Variants in USP9Y observed in about 807,000 individuals in gnomAD.
The protein encoded by USP9Y is ubiquitin specific peptidase 9 Y-linked, also known as ubiquitin carboxyl-terminal hydrolase 9Y.
In USP9Y, 41 loss-of-function variants were observed where a neutral mutation model predicts 53.1. The ratio of observed to expected loss-of-function variants is 0.77; its 90% CI spans 0.60 to 1.00. The LOEUF is 1.00. USP9Y is among the 50% of genes least tolerant of loss of function. USP9Y has a pLI of 0.00. For missense variants in USP9Y, 567 were observed against 535.8 expected, an observed-to-expected ratio of 1.06 and a Z score of -0.58; for synonymous variants, 220 against 173.7, an observed-to-expected ratio of 1.27 and a Z score of -2.09.
At chrY:12,764,499 A>G in intron 15 of USP9Y, among the ~76,000 whole-genome samples, 1 of 33,598 alleles carries the variant, frequency 3.0e-5, no homozygotes, top group Non-Finnish European at 7.4e-5. Flanking sequence ...AAGTTAAAAC[A>G]TAATTAATAA....
intron 15 of USP9Y, among the ~76,000 whole-genome samples, chrY:12,760,864 G>T (rs2053474804): frequency 3.0e-5 from 1 of 33,538 alleles, no homozygotes; most frequent in South Asian, 6.5e-4. Flanking sequence ...CTTCTTCTTG[G>T]TATCTTTTCT....
At chrY:12,720,550 T>A in intron 3 of USP9Y, 39 bp from the exon 4 acceptor site, 1 of 361,430 alleles carries the variant, frequency 2.8e-6, no homozygotes, top group Middle Eastern at 6.6e-4. Context: ...TTTTCCTTAA[T>A]CTGTGGTTTA....
chrY:12,821,834 A>G, intron 33 of USP9Y, among the ~76,000 whole-genome samples: 1 of 32,414 alleles, frequency 3.1e-5, no homozygotes, highest in Admixed American at 2.8e-4. Context: ...TTGTATTTTC[A>G]GTAGAGACAG....
chrY:12,819,131 A>T, intron 33 of USP9Y, among the ~76,000 whole-genome samples: 1 of 33,791 alleles, frequency 3.0e-5, no homozygotes, highest in Non-Finnish European at 7.4e-5. Flanking sequence ...GTGAGCCAAG[A>T]TTGTGCCATT....
intron 1 of USP9Y, among the ~76,000 whole-genome samples, chrY:12,707,066 A>G: frequency 3.0e-5 from 1 of 33,117 alleles, no homozygotes; most frequent in African/African-American, 1.2e-4. Flanking sequence ...CAGACTTCCT[A>G]TGTTAGAATC....
chrY:12,801,769 C>G (rs967423823), intron 27 of USP9Y, among the ~76,000 whole-genome samples: 4 of 33,658 alleles, frequency 1.2e-4, no homozygotes. Context: ...GGCAAAGAAG[C>G]TTTGTCGTTA....
intron 33 of USP9Y, among the ~76,000 whole-genome samples, chrY:12,821,344 A>G (rs1603202356): frequency 3.0e-5 from 1 of 33,857 alleles, no homozygotes; most frequent in East Asian, 7.7e-4. Context: ...TCCATTTTGT[A>G]ACATGTATCG....
chrY:12,852,594 C>T (rs2148293232), intron 42 of USP9Y, among the ~76,000 whole-genome samples: 1 of 33,016 alleles, frequency 3.0e-5, no homozygotes, highest in South Asian at 6.9e-4. Context: ...GGAGAAGAGG[C>T]GCTCTGATTT....
chrY:12,837,794 C>CTGAT (rs2053556310), intron 34 of USP9Y, 117 bp from the exon 35 acceptor site: 1 of 153,010 alleles, frequency 6.5e-6, no homozygotes, highest in African/African-American at 9.2e-5. Flanking sequence ...CTACAGTGAG[C>CTGAT]TGATTGTGCC....
chrY:12,738,337 C>A, intron 11 of USP9Y, 28 bp downstream of exon 11: 1 of 392,046 alleles, frequency 2.6e-6, no homozygotes, highest in Non-Finnish European at 3.6e-6. Context: ...TAGCTATTTT[C>A]TAAGAAAGAT....
chrY:12,769,755 G>A, intron 15 of USP9Y, among the ~76,000 whole-genome samples: 1 of 32,854 alleles, frequency 3.0e-5, no homozygotes, highest in East Asian at 8.1e-4. Context: ...TCATATTTTA[G>A]TTGAGTGTTA....
At chrY:12,767,855 A>AT (rs2053481688) in intron 15 of USP9Y, among the ~76,000 whole-genome samples, 10 of 29,845 alleles carry the variant, frequency 3.4e-4, no homozygotes, top group Non-Finnish European at 5.7e-4. Flanking sequence ...ACTGCAAGAG[A>AT]TTTTTTTTTT....
At chrY:12,735,202 C>CTTA (rs2053450463) in intron 7 of USP9Y, among the ~76,000 whole-genome samples, 1 of 32,354 alleles carries the variant, frequency 3.1e-5, no homozygotes, top group African/African-American at 1.2e-4. Flanking sequence ...TTCATTTTAC[C>CTTA]TTATTTCTTA....
At chrY:12,763,662 GTTTTTTTTTT>G (rs781504165) in intron 15 of USP9Y, among the ~76,000 whole-genome samples, 18 of 9,176 alleles carry the variant, frequency 2.0e-3, no homozygotes, top group Admixed American at 0.011. Flanking sequence ...TTTTCTTTGT[GTTTTTTTTTT>G]TTTTTTTTTT....
chrY:12,726,701 A>G lies in USP9Y; in HGVS notation c.565A>G (p.Asn189Asp). 2.5e-6 allele frequency: 1 copy of G among 398,191 alleles called. No individual in the cohort carries two copies. Among genetic ancestry groups the G allele is most frequent in the Non-Finnish European group, 3.5e-6 (1 of 282,977 alleles). Residue 189 changes from asparagine to aspartate, a missense_variant, in exon 7 of 46, where the codon AAT (asparagine) becomes GAT (aspartate). Physicochemically the swap from Asn to Asp is conservative, Grantham distance 23. Transcript: ENST00000338981. ...LNPHCKFHIY[N>D]GTRPCELISS... ...TCCTCACTGCAAGTTTCATATCTACAATGGTACACGTCCGTGTGAATTAAT... is the reference window on the plus strand; with the variant it reads ...TCCTCACTGCAAGTTTCATATCTACGATGGTACACGTCCGTGTGAATTAAT...
intron 27 of USP9Y, among the ~76,000 whole-genome samples, chrY:12,804,387 A>G: frequency 3.0e-5 from 1 of 33,385 alleles, no homozygotes; most frequent in Non-Finnish European, 7.4e-5. Flanking sequence ...TCATGTAGAG[A>G]ACAAATAGTG....
intron 38 of USP9Y, among the ~76,000 whole-genome samples, 178 bp from the exon 39 acceptor site, chrY:12,842,886 C>T (rs759995180): frequency 3.0e-5 from 1 of 33,355 alleles, no homozygotes; most frequent in African/African-American, 1.1e-4. Context: ...GTTACAGTAA[C>T]ATACAAGATC....
chrY:12,755,886 G>T, intron 12 of USP9Y, among the ~76,000 whole-genome samples: 1 of 33,145 alleles, frequency 3.0e-5, no homozygotes. Context: ...GTTACCACTT[G>T]GAAGTAGAAC....
chrY:12,714,555 G>C, intron 3 of USP9Y, among the ~76,000 whole-genome samples: 2 of 30,239 alleles, frequency 6.6e-5, no homozygotes, highest in Admixed American at 6.2e-4. Flanking sequence ...ATTCTCCCAT[G>C]TCAGCCTCCC....
Sources: allele counts gnomAD v4.1 joint callset (sites outside exome capture counted in the v4.1 genomes callset), GRCh38; gene constraint gnomAD v4.1.1; transcripts MANE v1.5; gene names NCBI Gene and HGNC (gene_info 2026-07-23, HGNC 2026-07-21).